GCSAML: variants seen among roughly 807,000 people sequenced by gnomAD.
The protein encoded by GCSAML is germinal center-associated signaling and motility-like protein.
A neutral mutation model predicts 13.0 loss-of-function variants in GCSAML; 9 were observed. The ratio of observed to expected loss-of-function variants is 0.69; its 90% CI spans 0.42 to 1.21. The LOEUF (loss-of-function observed/expected upper bound fraction) is 1.21, where lower values mean the gene tolerates loss of function less well. GCSAML is among the 50% of genes most tolerant of loss of function. GCSAML has a pLI of 0.00. For missense variants in GCSAML, 143 were observed against 153.4 expected (o/e 0.93, Z 0.36); for synonymous variants, 37 against 52.9 (o/e 0.70, Z 1.31).
intron 1 of GCSAML, among the ~76,000 whole-genome samples, chr1:247,515,122 AATG>A (rs1666167920): frequency 6.6e-6 from 1 of 152,152 alleles, no homozygotes; most frequent in African/African-American, 2.4e-5. Context: ...TGTTTGTGTC[AATG>A]TCATTATTTT....
At chr1:247,554,011 A>G (rs946999380) in intron 1 of GCSAML, among the ~76,000 whole-genome samples, 1 of 152,178 alleles carries the variant, frequency 6.6e-6, no homozygotes, top group East Asian at 1.9e-4. Context: ...ATCTATTTTC[A>G]TGATCGAGTT....
In GCSAML at chr1:247,574,400, A is replaced by G. The variant is rs751138238; in HGVS notation, c.*18A>G. 1.1e-5 allele frequency: 18 copies of G among 1,612,384 alleles called. No homozygotes were observed. In the South Asian group the frequency reaches 2.0e-4, roughly 18 times the overall value. On this transcript the variant is annotated 3_prime_UTR_variant, in exon 5 of 5. Coordinates refer to ENST00000366488, the MANE Select transcript of GCSAML (RefSeq NM_145278.5). The stretch of plus-strand genomic sequence containing the variant: ...CACACTAAAATCCTCAAGCTGCTTT[A>G]TCACCTTCCAGCAATGAAGACAATG...
intron 4 of GCSAML, among the ~76,000 whole-genome samples, chr1:247,570,149 A>T (rs1668543814): frequency 6.6e-6 from 1 of 152,080 alleles, no homozygotes; most frequent in Non-Finnish European, 1.5e-5. Context: ...ATCTTTTCAA[A>T]AAAACCAGCT....
At chr1:247,525,236 A>C (rs1373943686) in intron 1 of GCSAML, 1 of 152,246 alleles carries the variant, frequency 6.6e-6, no homozygotes, top group Non-Finnish European at 1.5e-5. Flanking sequence ...CCATACACCA[A>C]GCAAACAATC....
rs773237703 is a variant in GCSAML at position 247,531,943 on chromosome 1, C to G, written c.-148+4889C>G. ...CATCTCATTGAGGCTGGTATCCACA[C>G]AAGCCAGTTGCATAATGAGGGGCAT... On this transcript the variant is annotated intron_variant, in intron 2 of 5. Coordinates refer to the GCSAML transcript ENST00000366489. The G allele has an allele frequency of 5.0e-6, 8 of 1,614,072 alleles. No individual in the cohort carries two copies. In the Admixed American group the frequency reaches 1.2e-4, roughly 24 times the overall value.
At chr1:247,516,245 A>C (rs1283770132) in intron 1 of GCSAML, among the ~76,000 whole-genome samples, 1 of 152,204 alleles carries the variant, frequency 6.6e-6, no homozygotes, top group African/African-American at 2.4e-5. Flanking sequence ...TCTTTTCTAA[A>C]TGTTATAAGA....
intron 2 of GCSAML, among the ~76,000 whole-genome samples, chr1:247,534,029 C>T (rs1667116916): frequency 6.6e-6 from 1 of 152,168 alleles, no homozygotes; most frequent in African/African-American, 2.4e-5. Context: ...CCCTTCCTCA[C>T]CTTCTTCAGG....
At chr1:247,572,033 C>T (rs1231943219) in intron 4 of GCSAML, among the ~76,000 whole-genome samples, 1 of 152,082 alleles carries the variant, frequency 6.6e-6, no homozygotes, top group Non-Finnish European at 1.5e-5. Context: ...AGTTTTCGTG[C>T]TATGTTTTTC....
At chr1:247,533,310 C>G (rs1207467333) in intron 2 of GCSAML, among the ~76,000 whole-genome samples, 1 of 152,174 alleles carries the variant, frequency 6.6e-6, no homozygotes, top group African/African-American at 2.4e-5. Flanking sequence ...GTTTCTCTTT[C>G]TCCTGCCTTC....
chr1:247,509,446 T>C (rs1271522763), intron 1 of GCSAML, among the ~76,000 whole-genome samples: 1 of 152,246 alleles, frequency 6.6e-6, no homozygotes, highest in Non-Finnish European at 1.5e-5. Flanking sequence ...TCATGTCATC[T>C]GCAAACAGAG....
At chr1:247,525,485 C>G (rs912163184) in intron 1 of GCSAML, 1 of 152,226 alleles carries the variant, frequency 6.6e-6, no homozygotes, top group Non-Finnish European at 1.5e-5. Context: ...GCCCACAGAA[C>G]TCATGGAGGC....
At chr1:247,531,471 C>T (rs911622026) in intron 2 of GCSAML, 13 of 1,435,806 alleles carry the variant, frequency 9.1e-6, no homozygotes, top group Admixed American at 6.3e-5. Context: ...AGAAAAACGA[C>T]ATCCCAAGTG....
chr1:247,551,633 G>A (rs905105020), intron 1 of GCSAML, among the ~76,000 whole-genome samples: 1 of 152,162 alleles, frequency 6.6e-6, no homozygotes, highest in Non-Finnish European at 1.5e-5. Context: ...GCTCCCTGAA[G>A]GTTCTCTGAA....
intron 3 of GCSAML, 34 bp downstream of exon 3, chr1:247,563,673 G>T (rs1210385254): frequency 7.8e-7 from 1 of 1,279,322 alleles, no homozygotes; most frequent in South Asian, 1.2e-5. Context: ...TTTCATAGTA[G>T]GGAAGTGCAA....
intron 2 of GCSAML, among the ~76,000 whole-genome samples, chr1:247,543,299 C>G (rs369235354): frequency 6.6e-6 from 1 of 152,194 alleles, no homozygotes; most frequent in Admixed American, 6.5e-5. Flanking sequence ...CAGTTACCCA[C>G]AGTGTACTAC....
In GCSAML at chr1:247,513,784, C is replaced by T. The variant is rs559487998; in HGVS notation, c.-263+6551C>T. Among the ~76,000 whole-genome samples, 14 of 152,280 alleles carry T rather than the reference C, an allele frequency of 9.2e-5. No individual in the cohort carries two copies. The East Asian group carries it at 9.7e-4, about 11-fold the overall frequency. ...GAGGGATTTCTTCCCTGACCCTTTGCGCTTCCTGGGTGAGGCAATGCTCCA... is the reference window on the plus strand; with the variant it reads ...GAGGGATTTCTTCCCTGACCCTTTGTGCTTCCTGGGTGAGGCAATGCTCCA... On this transcript the variant is annotated intron_variant, in intron 1 of 5. Transcript: ENST00000366489.
At chr1:247,515,324 G>A (rs1405930067) in intron 1 of GCSAML, among the ~76,000 whole-genome samples, 1 of 152,220 alleles carries the variant, frequency 6.6e-6, no homozygotes, top group African/African-American at 2.4e-5. Context: ...TGTGAAGTTT[G>A]TGGTTGAGAC....
At chr1:247,523,739 T>C (rs1666539732) in intron 1 of GCSAML, among the ~76,000 whole-genome samples, 2 of 151,980 alleles carry the variant, frequency 1.3e-5, no homozygotes, top group East Asian at 1.9e-4. Context: ...ATTAGAAAAA[T>C]AGATAATGAT....
chr1:247,530,787 G>A (rs1247794702), intron 2 of GCSAML: 3 of 14,050 alleles, frequency 2.1e-4, no homozygotes, highest in Non-Finnish European at 3.7e-4. Flanking sequence ...CGGTCGCCCA[G>A]GACGTGGACC....
Sources: gnomAD v4.1 joint callset for allele counts (sites outside exome capture counted in the v4.1 genomes callset) on GRCh38, gnomAD v4.1.1 for gene constraint, MANE v1.5 for transcripts, NCBI Gene and HGNC (gene_info 2026-07-23, HGNC 2026-07-21) for gene names.